PCDHGB4: variants seen among roughly 807,000 people sequenced by gnomAD.
PCDHGB4 encodes protocadherin gamma-B4.
A neutral mutation model predicts 60.5 loss-of-function variants in PCDHGB4; 38 were observed. That is an observed-to-expected ratio of 0.63 (90% CI 0.48 to 0.82). The LOEUF (loss-of-function observed/expected upper bound fraction) is 0.82, where lower values mean the gene tolerates loss of function less well. Among genes scored for constraint, PCDHGB4 ranks in the 40% least tolerant of loss-of-function variants. The pLI is 0.00. For synonymous variants in PCDHGB4, 456 were observed against 509.7 expected (o/e 0.89, Z 1.42); for missense variants, 1,109 against 1,209.6 (o/e 0.92, Z 1.23).
chr5:141,423,405 G>T (rs1444037259), intron 1 of PCDHGB4: 1 of 1,614,154 alleles, frequency 6.2e-7, no homozygotes, highest in African/African-American at 1.3e-5. Context: ...CACGCCTGCT[G>T]CAGGCTTCTG....
At chr5:141,421,169 T>G in intron 1 of PCDHGB4, 2 of 1,340,600 alleles carry the variant, frequency 1.5e-6, no homozygotes, top group South Asian at 1.5e-5. Flanking sequence ...CATAGATACA[T>G]AAGCCGATTC....
chr5:141,463,532 T>C (rs1237301892), intron 1 of PCDHGB4, among the ~76,000 whole-genome samples: 2 of 133,692 alleles, frequency 1.5e-5, no homozygotes, highest in Non-Finnish European at 3.1e-5. Flanking sequence ...TACTAGAAAC[T>C]CCGGCTCCCG....
rs763303627 is a variant in PCDHGB4 at position 141,489,719 on chromosome 5, C to T, written c.2398-5088C>T. The T allele has an allele frequency of 1.4e-5, 22 of 1,613,946 alleles. No homozygotes were observed. The highest frequency in any genetic ancestry group is 9.3e-5 in the African/African-American group (7 of 74,924). On this transcript the variant is annotated intron_variant, in intron 1 of 3. Coordinates refer to ENST00000519479, the MANE Select transcript of PCDHGB4 (RefSeq NM_003736.4). The surrounding 1 kb of genome is among the most constrained non-coding windows in gnomAD (Gnocchi z 4.5). ...TTCCCACTGGACAGTGCCCAGGATCCGGATGTGGGCACCAATACTGTGAGC... is the reference window on the plus strand; with the variant it reads ...TTCCCACTGGACAGTGCCCAGGATCTGGATGTGGGCACCAATACTGTGAGC...
chr5:141,494,756 A>G (rs780402065), intron 1 of PCDHGB4, 51 bp from the exon 2 acceptor site: 2 of 1,613,460 alleles, frequency 1.2e-6, no homozygotes, highest in South Asian at 1.1e-5. Context: ...CTCGGGTGAC[A>G]TTCTAACTTC....
chr5:141,419,794 T>C (rs368369787), intron 1 of PCDHGB4: 54 of 1,613,930 alleles, frequency 3.3e-5, no homozygotes, highest in Non-Finnish European at 4.5e-5. Flanking sequence ...TGCTAGTCGC[T>C]GTAAGAGATG....
At chr5:141,468,324 C>T (rs1301315098) in intron 1 of PCDHGB4, 1 of 127,722 alleles carries the variant, frequency 7.8e-6, no homozygotes, top group Non-Finnish European at 1.6e-5. Context: ...ACGGTAAACT[C>T]CATCTCAAAA....
intron 1 of PCDHGB4, chr5:141,417,885 G>A (rs761442517): frequency 2.6e-6 from 4 of 1,562,806 alleles, no homozygotes; most frequent in Admixed American, 1.9e-5. Flanking sequence ...GCGCAGAGGC[G>A]CCGGGCCGGC....
rs979750945 is a variant in PCDHGB4 at position 141,478,807 on chromosome 5, A to G, written c.2398-16000A>G. The G allele has an allele frequency of 3.4e-6, 5 of 1,459,258 alleles. No homozygotes were observed. The African/African-American group carries it at 5.7e-5, about 17-fold the overall frequency. 90.4% of individuals were successfully genotyped at this position (1,459,258 alleles called of 1,614,324 possible). On this transcript the variant is annotated intron_variant, in intron 1 of 3. Transcript: ENST00000519479. The stretch of plus-strand genomic sequence containing the variant: ...TTCACATCCTCAGCACTCTTTTGCT[A>G]TCACAACTAACCAATCTTGCTAAGG...
rs779792543 is a variant in PCDHGB4 at position 141,486,994 on chromosome 5, C to T, written c.2398-7813C>T. ...ATTCAGGTTACAATGCTTGGGTTTCCTATCAGCTCCTGGAGGCCCCAGATC... is the reference window on the plus strand; with the variant it reads ...ATTCAGGTTACAATGCTTGGGTTTCTTATCAGCTCCTGGAGGCCCCAGATC... On this transcript the variant is annotated intron_variant, in intron 1 of 3. Coordinates refer to ENST00000519479, the MANE Select transcript of PCDHGB4 (RefSeq NM_003736.4). This position sits in a 1 kb window ranked among gnomAD's most constrained non-coding sequence, Gnocchi z 5.0. The T allele has an allele frequency of 6.2e-7, 1 of 1,614,214 alleles. No individual in the cohort carries two copies. The highest frequency in any genetic ancestry group is 8.5e-7 in the Non-Finnish European group (1 of 1,180,034).
chr5:141,407,989 T>G, intron 1 of PCDHGB4: 1 of 833,618 alleles, frequency 1.2e-6, no homozygotes, highest in Non-Finnish European at 1.8e-6. Flanking sequence ...TCCGTCAGCC[T>G]CTGGCCTGGG....
At position 141,432,394 on chromosome 5, in the gene PCDHGB4, C is replaced by G; in HGVS notation, c.2397+42113C>G. 1 of 1,614,260 alleles carries G rather than the reference C, an allele frequency of 6.2e-7. No individual in the cohort carries two copies. The highest frequency in any genetic ancestry group is 8.5e-7 in the Non-Finnish European group (1 of 1,180,050). On this transcript the variant is annotated intron_variant, in intron 1 of 3. Transcript: ENST00000519479. This position sits in a 1 kb window ranked among gnomAD's most constrained non-coding sequence, Gnocchi z 6.0. The stretch of plus-strand genomic sequence containing the variant: ...ACGGGCACCCGCCCCTCAGCAGCAA[C>G]GTGTCGTTGAGCCTGTTCGTGCTGG...
intron 1 of PCDHGB4, chr5:141,399,783 C>T: frequency 6.2e-7 from 1 of 1,613,300 alleles, no homozygotes; most frequent in Non-Finnish European, 8.5e-7. Context: ...GCGACCGAAA[C>T]GACAACGCAC....
intron 3 of PCDHGB4, among the ~76,000 whole-genome samples, chr5:141,506,349 T>A (rs894933059): frequency 8.0e-5 from 12 of 150,304 alleles, no homozygotes; most frequent in Admixed American, 2.7e-4. Context: ...CTTGGGAGGC[T>A]GAGGCAGGAG....
At chr5:141,390,919 A>C (rs1254063856) in intron 1 of PCDHGB4, 1 of 152,550 alleles carries the variant, frequency 6.6e-6, no homozygotes, top group Non-Finnish European at 1.5e-5. Flanking sequence ...AAAAAGGTCT[A>C]CTATGCTCAT....
rs2096153349 is a variant in PCDHGB4 at position 141,417,731 on chromosome 5, C to G, written c.2397+27450C>G. 2.2e-6 allele frequency: 3 copies of G among 1,378,810 alleles called. No homozygotes were observed. In the East Asian group the frequency reaches 7.6e-5, roughly 35 times the overall value. 85.4% of individuals were successfully genotyped at this position (1,378,810 alleles called of 1,614,324 possible). A position where few individuals can be genotyped will look rare whatever the true frequency, so the allele number is the denominator to read the frequency against. On this transcript the variant is annotated intron_variant, in intron 1 of 3. Coordinates refer to ENST00000519479, the MANE Select transcript of PCDHGB4 (RefSeq NM_003736.4). ...AGGCTCCCGGCTGCGCAGACCTTGC[C>G]CAGCACACCAGATTGCCAGCTCCGA...
chr5:141,503,665 C>A (rs1210514896), intron 2 of PCDHGB4, among the ~76,000 whole-genome samples: 2 of 151,792 alleles, frequency 1.3e-5, no homozygotes, highest in African/African-American at 4.8e-5. Flanking sequence ...AATTACAACT[C>A]TTCCCACTTT....
At chr5:141,505,085 C>A (rs954289918) in intron 2 of PCDHGB4, among the ~76,000 whole-genome samples, 1 of 152,162 alleles carries the variant, frequency 6.6e-6, no homozygotes, top group Non-Finnish European at 1.5e-5. Context: ...TCGCTTGAAC[C>A]CAGGAGGTGG....
chr5:141,463,041 G>C (rs1383781857), intron 1 of PCDHGB4, among the ~76,000 whole-genome samples: 1 of 152,114 alleles, frequency 6.6e-6, no homozygotes, highest in African/African-American at 2.4e-5. Flanking sequence ...TGAGTGTTCA[G>C]CAGGGTCTCT....
intron 1 of PCDHGB4, chr5:141,410,075 GAGGTGCGCAC>G: frequency 6.2e-7 from 1 of 1,612,898 alleles, no homozygotes; most frequent in East Asian, 2.2e-5. Context: ...GCGCACTGGG[GAGGTGCGCAC>G]GGCTCGAGCC....
Sources: gnomAD v4.1 joint callset for allele counts (sites outside exome capture counted in the v4.1 genomes callset) on GRCh38, gnomAD v4.1.1 for gene constraint, Gnocchi (gnomAD v3.1) non-coding constraint, MANE v1.5 for transcripts, NCBI Gene and HGNC (gene_info 2026-07-23, HGNC 2026-07-21) for gene names.